NRXN1: variants seen among roughly 807,000 people sequenced by gnomAD.
NRXN1 encodes neurexin-1.
A neutral mutation model predicts 150.9 loss-of-function variants in NRXN1; 39 were observed. That is an observed-to-expected ratio of 0.26 (90% CI 0.20 to 0.34). The LOEUF is 0.34. Among genes scored for constraint, NRXN1 ranks in the 10% least tolerant of loss-of-function variants. NRXN1 has a pLI of 1.00. For missense variants in NRXN1, 1,815 were observed against 1,949.9 expected (o/e 0.93, Z 1.30); for synonymous variants, 924 against 757.0 (o/e 1.22, Z -3.62).
intron 17 of NRXN1, among the ~76,000 whole-genome samples, chr2:50,318,614 T>G (rs2075794168): frequency 6.6e-6 from 1 of 152,016 alleles, no homozygotes; most frequent in Non-Finnish European, 1.5e-5. Context: ...TAAGAATGAT[T>G]AAATTAAATG....
At chr2:50,424,295 A>AAGGAGGAGGAGGAGGAGGAGGGGG (rs1199844494) in intron 17 of NRXN1, among the ~76,000 whole-genome samples, 4 of 71,924 alleles carry the variant, frequency 5.6e-5, no homozygotes, top group East Asian at 1.6e-3. Context: ...GAGGAAGAAG[A>AAGGAGGAGGAGGAGGAGGAGGGGG]AGGAGGAGGA....
At chr2:50,284,021 C>T (rs1345294000) in intron 17 of NRXN1, among the ~76,000 whole-genome samples, 1 of 152,076 alleles carries the variant, frequency 6.6e-6, no homozygotes, top group Non-Finnish European at 1.5e-5. Context: ...TTTTCTTCAC[C>T]TTGCCACATC....
chr2:50,701,911 T>C (rs1433979585), intron 5 of NRXN1, among the ~76,000 whole-genome samples: 1 of 152,144 alleles, frequency 6.6e-6, no homozygotes, highest in Admixed American at 6.5e-5. Flanking sequence ...CAGTCCCTCA[T>C]AGGATCTCAG....
At chr2:50,761,358 TC>T (rs1288387370) in intron 5 of NRXN1, among the ~76,000 whole-genome samples, 1 of 151,772 alleles carries the variant, frequency 6.6e-6, no homozygotes, top group Non-Finnish European at 1.5e-5. Context: ...GGCGAGTTTT[TC>T]CTGGCCGTTC....
intron 5 of NRXN1, among the ~76,000 whole-genome samples, chr2:50,664,362 T>C (rs1687711921): frequency 7.3e-6 from 1 of 137,406 alleles, no homozygotes; most frequent in Admixed American, 7.7e-5. Flanking sequence ...ATCTCTAACT[T>C]AAAAATAAAC....
chr2:50,316,611 T>C (rs1041823825), intron 17 of NRXN1, among the ~76,000 whole-genome samples: 1 of 152,016 alleles, frequency 6.6e-6, no homozygotes, highest in African/African-American at 2.4e-5. Context: ...TGTAATAAAA[T>C]ATGAAACCCA....
At chr2:50,698,965 G>A (rs1693343854) in intron 5 of NRXN1, among the ~76,000 whole-genome samples, 2 of 152,060 alleles carry the variant, frequency 1.3e-5, no homozygotes, top group South Asian at 4.1e-4. Flanking sequence ...TATACCTTTA[G>A]AGCATTAAGA....
intron 17 of NRXN1, among the ~76,000 whole-genome samples, chr2:50,440,272 G>A (rs1216844088): frequency 6.6e-6 from 1 of 152,090 alleles, no homozygotes; most frequent in Admixed American, 6.6e-5. Flanking sequence ...ATGACATAGG[G>A]TCCAGAATCT....
At chr2:50,003,330 T>C (rs1684247764) in intron 21 of NRXN1, among the ~76,000 whole-genome samples, 2 of 152,112 alleles carry the variant, frequency 1.3e-5, no homozygotes, top group Admixed American at 1.3e-4. Context: ...ATTTGTACAT[T>C]TGGTTATTCT....
chr2:50,724,951 G>T (rs1467840839), intron 5 of NRXN1, among the ~76,000 whole-genome samples: 1 of 151,846 alleles, frequency 6.6e-6, no homozygotes, highest in Non-Finnish European at 1.5e-5. Context: ...CCTGATACAG[G>T]GTAGGCACGA....
At chr2:50,011,777 G>T (rs778049320) in intron 21 of NRXN1, among the ~76,000 whole-genome samples, 3 of 151,962 alleles carry the variant, frequency 2.0e-5, no homozygotes, top group Non-Finnish European at 2.9e-5. Flanking sequence ...CTTAAAGATG[G>T]AGAAAAATAG....
intron 21 of NRXN1, among the ~76,000 whole-genome samples, chr2:49,951,245 A>C (rs1309071140): frequency 1.3e-5 from 2 of 152,120 alleles, no homozygotes; most frequent in African/African-American, 4.8e-5. Flanking sequence ...GTAATCAAAA[A>C]ATAACATATT....
chr2:51,016,215 A>G (rs1668640458), intron 2 of NRXN1, among the ~76,000 whole-genome samples: 3 of 152,308 alleles, frequency 2.0e-5, no homozygotes, highest in South Asian at 4.1e-4. Flanking sequence ...TTTCATGACT[A>G]AAACACCAAA....
At chr2:50,477,946 A>T (rs1019562829) in intron 15 of NRXN1, among the ~76,000 whole-genome samples, 7 of 152,196 alleles carry the variant, frequency 4.6e-5, no homozygotes, top group Non-Finnish European at 7.4e-5. Flanking sequence ...TGGTAAAAGT[A>T]GTGCAATCAA....
chr2:50,317,572 A>C (rs2152970318), intron 17 of NRXN1, among the ~76,000 whole-genome samples: 1 of 152,138 alleles, frequency 6.6e-6, no homozygotes, highest in South Asian at 2.1e-4. Flanking sequence ...ACAATTAAAA[A>C]ATGAAAGAAT....
At chr2:49,992,975 A>C (rs1302677925) in intron 21 of NRXN1, among the ~76,000 whole-genome samples, 3 of 152,262 alleles carry the variant, frequency 2.0e-5, no homozygotes, top group African/African-American at 7.2e-5. Flanking sequence ...GCACAATTTC[A>C]CAGCCATTTT....
chr2:50,585,816 C>T (rs1297174382), intron 8 of NRXN1, among the ~76,000 whole-genome samples: 2 of 152,144 alleles, frequency 1.3e-5, no homozygotes, highest in Non-Finnish European at 2.9e-5. Flanking sequence ...ATATTGCCAA[C>T]TTCAGTGATT....
chr2:50,910,268 C>T (rs77605217), intron 5 of NRXN1, among the ~76,000 whole-genome samples: 1 of 151,916 alleles, frequency 6.6e-6, no homozygotes, highest in African/African-American at 2.4e-5. Context: ...TTTGACTCAT[C>T]ATTAGACACC....
At chr2:50,643,064 C>T (rs1215403250) in intron 5 of NRXN1, among the ~76,000 whole-genome samples, 4 of 151,854 alleles carry the variant, frequency 2.6e-5, no homozygotes, top group Non-Finnish European at 5.9e-5. Flanking sequence ...AATAAAAGCT[C>T]AAGATATTCT....
Sources: allele counts gnomAD v4.1 joint callset (sites outside exome capture counted in the v4.1 genomes callset), GRCh38; gene constraint gnomAD v4.1.1; transcripts MANE v1.5; gene names NCBI Gene and HGNC (gene_info 2026-07-23, HGNC 2026-07-21).